Variants in IMMP2L observed in about 807,000 individuals in gnomAD.
IMMP2L encodes the protein mitochondrial inner membrane protease subunit 2.
IMMP2L carries 18 observed loss-of-function variants against 19.3 expected under a neutral mutation model. The ratio of observed to expected loss-of-function variants is 0.93; its 90% CI spans 0.64 to 1.38. IMMP2L has a LOEUF of 1.38. IMMP2L is among the 40% of genes most tolerant of loss of function. The pLI, the probability that IMMP2L is intolerant of heterozygous loss-of-function variation, is 0.00. For missense variants in IMMP2L, 233 were observed against 218.2 expected (o/e 1.07, Z -0.43); for synonymous variants, 76 against 73.0 (o/e 1.04, Z -0.21).
chr7:111,235,147 T>C (rs572640889), intron 3 of IMMP2L, among the ~76,000 whole-genome samples: 2 of 152,280 alleles, frequency 1.3e-5, no homozygotes, highest in African/African-American at 4.8e-5. Flanking sequence ...TTCATCTTTA[T>C]TTTTGAAAGA....
chr7:111,016,095 GC>G (rs1189885787), intron 3 of IMMP2L, among the ~76,000 whole-genome samples: 1 of 151,926 alleles, frequency 6.6e-6, no homozygotes, highest in African/African-American at 2.4e-5. Flanking sequence ...AAATTCTCTT[GC>G]CTGAGATTTA....
At chr7:111,029,533 G>A (rs1358776989) in intron 3 of IMMP2L, among the ~76,000 whole-genome samples, 1 of 152,094 alleles carries the variant, frequency 6.6e-6, no homozygotes, top group Non-Finnish European at 1.5e-5. Flanking sequence ...TCAAAGATTT[G>A]TTTTAACCTA....
chr7:111,231,279 TAACA>T (rs899667346), intron 3 of IMMP2L, among the ~76,000 whole-genome samples: 1 of 152,000 alleles, frequency 6.6e-6, no homozygotes, highest in African/African-American at 2.4e-5. Context: ...CATTAGTGCT[TAACA>T]AACTTAATAC....
intron 3 of IMMP2L, among the ~76,000 whole-genome samples, chr7:111,340,916 G>C (rs974729155): frequency 6.6e-6 from 1 of 152,032 alleles, no homozygotes; most frequent in Admixed American, 6.6e-5. Context: ...TCTGGGTAAA[G>C]ACAGGAAGGT....
chr7:111,285,696 A>C (rs1390422626), intron 3 of IMMP2L, among the ~76,000 whole-genome samples: 2 of 152,306 alleles, frequency 1.3e-5, no homozygotes, highest in Admixed American at 1.3e-4. Context: ...CTTCCACAGC[A>C]TATGATAGCA....
At chr7:110,772,211 G>A (rs769771139) in intron 5 of IMMP2L, among the ~76,000 whole-genome samples, 1 of 151,924 alleles carries the variant, frequency 6.6e-6, no homozygotes, top group Non-Finnish European at 1.5e-5. Flanking sequence ...TTGAGACTTC[G>A]TGGAGTCTAC....
At chr7:110,771,319 A>G (rs917546271) in intron 5 of IMMP2L, among the ~76,000 whole-genome samples, 1 of 152,144 alleles carries the variant, frequency 6.6e-6, no homozygotes, top group Non-Finnish European at 1.5e-5. Flanking sequence ...CCTTCTTGCT[A>G]CAGGTTGATG....
At chr7:110,712,223 C>T (rs981508507) in intron 5 of IMMP2L, among the ~76,000 whole-genome samples, 1 of 133,404 alleles carries the variant, frequency 7.5e-6, no homozygotes, top group Non-Finnish European at 1.6e-5. Flanking sequence ...AGTTTTCCTT[C>T]TAAGAGACAG....
intron 5 of IMMP2L, among the ~76,000 whole-genome samples, chr7:110,782,065 G>A (rs1243111936): frequency 2.0e-5 from 3 of 151,870 alleles, no homozygotes; most frequent in Admixed American, 1.3e-4. Context: ...GCCGCTAGCC[G>A]AGTCAGCCCA....
At chr7:111,111,915 T>TTTTA (rs1799254275) in intron 3 of IMMP2L, among the ~76,000 whole-genome samples, 1 of 146,554 alleles carries the variant, frequency 6.8e-6, no homozygotes, top group African/African-American at 2.5e-5. Flanking sequence ...TATTTATATA[T>TTTTA]TTTATTTATA....
intron 5 of IMMP2L, among the ~76,000 whole-genome samples, chr7:110,748,864 G>A (rs565194072): frequency 2.6e-4 from 40 of 152,138 alleles, no homozygotes; most frequent in South Asian, 4.1e-4. Flanking sequence ...CTGAAACACC[G>A]AAAGCAATGA....
chr7:111,086,395 A>T (rs1796337835), intron 3 of IMMP2L, among the ~76,000 whole-genome samples: 1 of 152,148 alleles, frequency 6.6e-6, no homozygotes, highest in South Asian at 2.1e-4. Context: ...GTGAACTATG[A>T]TCATGCCATT....
At chr7:110,994,287 G>T (rs975385778) in intron 3 of IMMP2L, among the ~76,000 whole-genome samples, 1 of 151,802 alleles carries the variant, frequency 6.6e-6, no homozygotes, top group African/African-American at 2.4e-5. Context: ...CTGTTCCTGG[G>T]GTTCTTTTCT....
intron 2 of IMMP2L, among the ~76,000 whole-genome samples, chr7:111,517,265 G>A (rs1227387843): frequency 6.6e-6 from 1 of 151,958 alleles, no homozygotes; most frequent in East Asian, 1.9e-4. Flanking sequence ...AGACCTCAAT[G>A]CTAATTAAAC....
chr7:111,097,657 A>G (rs1463462192), intron 3 of IMMP2L, among the ~76,000 whole-genome samples: 1 of 151,898 alleles, frequency 6.6e-6, no homozygotes, highest in African/African-American at 2.4e-5. Flanking sequence ...ATGTCATTAG[A>G]CTGTTTACTG....
chr7:111,075,039 C>CAATG (rs1554508784), intron 3 of IMMP2L, among the ~76,000 whole-genome samples: 3 of 149,592 alleles, frequency 2.0e-5, no homozygotes, highest in Non-Finnish European at 4.4e-5. Context: ...GGCTAGGAGG[C>CAATG]AATGGGGTTC....
At chr7:111,116,170 G>C (rs536716510) in intron 3 of IMMP2L, among the ~76,000 whole-genome samples, 1 of 152,160 alleles carries the variant, frequency 6.6e-6, no homozygotes, top group South Asian at 2.1e-4. Context: ...GGCCTATATT[G>C]TCATCTAAAG....
At chr7:111,182,108 T>C (rs1012776711) in intron 3 of IMMP2L, among the ~76,000 whole-genome samples, 1 of 151,996 alleles carries the variant, frequency 6.6e-6, no homozygotes, top group African/African-American at 2.4e-5. Context: ...ATGGAATTGA[T>C]ACATAAAATG....
chr7:111,319,182 A>G (rs1322823844), intron 3 of IMMP2L, among the ~76,000 whole-genome samples: 1 of 152,106 alleles, frequency 6.6e-6, no homozygotes, highest in Non-Finnish European at 1.5e-5. Context: ...TGTCACACTC[A>G]AAAAAAGTGC....
Sources: allele counts gnomAD v4.1 joint callset (sites outside exome capture counted in the v4.1 genomes callset), GRCh38; gene constraint gnomAD v4.1.1; transcripts MANE v1.5; gene names NCBI Gene and HGNC (gene_info 2026-07-23, HGNC 2026-07-21).